The following DNAH7 variants were observed in gnomAD, a reference collection of about 807,000 sequenced individuals.
DNAH7 encodes the protein dynein axonemal heavy chain 7, also known as axonemal beta dynein heavy chain 7.
In DNAH7, 397 loss-of-function variants were observed where a neutral mutation model predicts 444.6. The ratio of observed to expected loss-of-function variants is 0.89; its 90% confidence interval spans 0.82 to 0.97. The LOEUF is 0.97. Among genes scored for constraint, DNAH7 ranks in the 50% least tolerant of loss-of-function variants. The pLI is 0.00. For synonymous variants in DNAH7, 1,636 were observed against 1,624.4 expected, an observed-to-expected ratio of 1.01 and a Z score of -0.17; for missense variants, 4,902 against 4,800.8, an observed-to-expected ratio of 1.02 and a Z score of -0.62.
At chr2:195,762,803 C>G (rs1375497290) in intron 61 of DNAH7, among the ~76,000 whole-genome samples, 3 of 152,170 alleles carry the variant, frequency 2.0e-5, no homozygotes, top group East Asian at 3.9e-4. Context: ...ACCCTACTTT[C>G]AGCATCAGAC....
intron 54 of DNAH7, among the ~76,000 whole-genome samples, chr2:195,802,959 GTCTT>G (rs749684245): frequency 7.9e-5 from 12 of 152,078 alleles, no homozygotes; most frequent in Admixed American, 2.6e-4. Context: ...TTCAGTATTC[GTCTT>G]TCTGTGTCTG....
chr2:196,027,023 A>C lies in DNAH7; in HGVS notation c.487-83T>G, dbSNP rs1695732489. On this transcript the variant is annotated intron_variant, in intron 6 of 64. Transcript: ENST00000312428. Reference sequence around the variant, plus strand: ...AAATAAAACTACCAAGCAAAATTCAAGTTTTAGGAGAACAAAGTATTTATA... The same window carrying C: ...AAATAAAACTACCAAGCAAAATTCACGTTTTAGGAGAACAAAGTATTTATA... The C allele has an allele frequency of 3.8e-6, 4 of 1,048,834 alleles. No individual in the cohort carries two copies. The African/African-American group carries it at 6.5e-5, about 17-fold the overall frequency. The allele number at this position is 1,048,834 out of a possible 1,614,324, so 65.0% of individuals were successfully genotyped here.
chr2:195,741,026 C>T (rs1692997779), intron 63 of DNAH7, 157 bp from the exon 64 acceptor site: 3 of 332,094 alleles, frequency 9.0e-6, no homozygotes, highest in Non-Finnish European at 1.7e-5. Context: ...AGTGTTTTAA[C>T]ATCCATATTT....
intron 3 of DNAH7, among the ~76,000 whole-genome samples, chr2:196,049,333 G>T (rs751942989): frequency 1.3e-5 from 2 of 152,060 alleles, no homozygotes; most frequent in Non-Finnish European, 2.9e-5. Context: ...TTTTCCACCC[G>T]CCCTTCCCAT....
At chr2:196,025,100 C>G (rs1468763828) in intron 7 of DNAH7, among the ~76,000 whole-genome samples, 1 of 152,110 alleles carries the variant, frequency 6.6e-6, no homozygotes, top group African/African-American at 2.4e-5. Context: ...AGGTTATATG[C>G]AAATACTATG....
intron 8 of DNAH7, among the ~76,000 whole-genome samples, chr2:196,021,543 G>A (rs1243849578): frequency 1.3e-5 from 2 of 152,140 alleles, no homozygotes; most frequent in Admixed American, 6.5e-5. Context: ...TATAGGGCCA[G>A]GCACAGAGGC....
intron 61 of DNAH7, among the ~76,000 whole-genome samples, chr2:195,770,992 G>A (rs1694809975): frequency 6.6e-6 from 1 of 151,258 alleles, no homozygotes; most frequent in South Asian, 2.1e-4. Flanking sequence ...CACCACACTT[G>A]GCCAGTTTAT....
chr2:195,807,087 C>A lies in DNAH7; in HGVS notation c.10084-255G>T, dbSNP rs182241692. ...AACACTAATAAACAGACAAAATGAT[C>A]CCTATTATGAAAAAAGTAAATGTGC... On this transcript the variant is annotated intron_variant, in intron 53 of 64. Transcript: ENST00000312428. Among the ~76,000 whole-genome samples, 381 of 152,048 alleles carry A rather than the reference C, an allele frequency of 2.5e-3. 2 individuals are homozygous for A. The highest frequency in any genetic ancestry group is 1.9e-3 in the Non-Finnish European group (128 of 67,990).
At chr2:196,005,548 G>A (rs758810302) in intron 10 of DNAH7, among the ~76,000 whole-genome samples, 23 of 151,778 alleles carry the variant, frequency 1.5e-4, no homozygotes, top group Non-Finnish European at 3.2e-4. Flanking sequence ...TAACATTACA[G>A]AAATACAAAG....
intron 10 of DNAH7, among the ~76,000 whole-genome samples, chr2:196,003,076 G>T (rs1382580469): frequency 1.5e-5 from 2 of 129,600 alleles, no homozygotes; most frequent in East Asian, 4.4e-4. Context: ...TGTCATAAAA[G>T]AAAAAAAAAT....
chr2:195,951,978 G>A (rs1690289988), intron 19 of DNAH7, among the ~76,000 whole-genome samples: 1 of 152,090 alleles, frequency 6.6e-6, no homozygotes, highest in Non-Finnish European at 1.5e-5. Context: ...TCATTATGAT[G>A]CTAGCTGGTT....
At position 195,875,810 on chromosome 2, in the gene DNAH7, G is replaced by C; in HGVS notation, c.6151C>G (p.Arg2051Gly). Residue 2051 changes from arginine (R) to glycine (G), a missense_variant, in exon 38 of 65, where the codon CGG becomes GGG. Transcript: ENST00000312428. ...VFVDDVNMPAREVYGAQPPIE... is the reference protein window; with the variant it reads ...VFVDDVNMPAGEVYGAQPPIE... The stretch of plus-strand genomic sequence containing the variant: ...GGAGGTTGAGCCCCATATACCTCCC[G>C]AGCAGGCATATTGACATCATCTACA... The C allele has an allele frequency of 1.9e-6, 3 of 1,610,612 alleles. No individual in the cohort carries two copies. The highest frequency in any genetic ancestry group is 1.1e-5 in the South Asian group (1 of 90,066).
chr2:195,766,495 A>G (rs1156914696), intron 61 of DNAH7, among the ~76,000 whole-genome samples: 1 of 151,984 alleles, frequency 6.6e-6, no homozygotes, highest in East Asian at 1.9e-4. Context: ...AAAACAATTG[A>G]ACTTGTGGAG....
At chr2:195,919,400 A>C (rs879709210) in intron 24 of DNAH7, among the ~76,000 whole-genome samples, 3 of 152,024 alleles carry the variant, frequency 2.0e-5, no homozygotes, top group Admixed American at 6.6e-5. Flanking sequence ...GCTGGAGTGC[A>C]GTGGCACAAT....
intron 35 of DNAH7, 86 bp from the exon 36 acceptor site, chr2:195,882,078 G>A (rs1277962927): frequency 9.0e-7 from 1 of 1,114,238 alleles, no homozygotes; most frequent in Non-Finnish European, 1.3e-6. Flanking sequence ...AAAAGACTAA[G>A]ACCAACAAAC....
rs1200521310 is a variant in DNAH7 at position 195,857,546 on chromosome 2, G to A, written c.8245C>T (p.Leu2749=). Residue 2749 remains leucine, a synonymous_variant, in exon 44 of 65, where the codon CTG becomes TTG. Coordinates refer to ENST00000312428, the MANE Select transcript of DNAH7 (RefSeq NM_018897.3). ...TTGTCATATTCATGAAGTGACTGCA[G>A]AAACCTCATGTCACCAAGAAGTCTC... ...AKRLLGDMRF[L]QSLHEYDKDN... 1.2e-6 allele frequency: 2 copies of A among 1,613,810 alleles called. No homozygotes were observed. The highest frequency in any genetic ancestry group is 2.7e-5 in the African/African-American group (2 of 74,880).
At chr2:195,933,551 A>G (rs1688842874) in intron 21 of DNAH7, among the ~76,000 whole-genome samples, 3 of 152,254 alleles carry the variant, frequency 2.0e-5, no homozygotes, top group Non-Finnish European at 4.4e-5. Flanking sequence ...CATATACACT[A>G]TGGAATACTA....
rs1559160374 is a variant in DNAH7, at chr2:195,864,818, C to G, written c.6837G>C (p.Glu2279Asp). ...MFCDFHDPKR[E>D]DTNYREIADV... Reference sequence around the variant, plus strand: ...CTGCGATTTCTCTGTAGTTGGTATCCTCCCTCTTGGGATCATGGAAATCAC... The same window carrying G: ...CTGCGATTTCTCTGTAGTTGGTATCGTCCCTCTTGGGATCATGGAAATCAC... The change falls in exon 41 of 65, where the codon GAG becomes GAC. Residue 2279 changes from glutamate (E) to aspartate (D), a missense_variant. Glu to Asp is a conservative substitution (Grantham distance 45). Transcript: ENST00000312428. 1.1e-5 allele frequency: 17 copies of G among 1,614,178 alleles called. No homozygotes were observed. Among genetic ancestry groups the G allele is most frequent in the Non-Finnish European group, 1.4e-5 (16 of 1,180,026 alleles).
chr2:196,022,821 TCACTTTGCCAAGA>T (rs1337937351), intron 8 of DNAH7, among the ~76,000 whole-genome samples: 1 of 152,212 alleles, frequency 6.6e-6, no homozygotes, highest in Non-Finnish European at 1.5e-5. Context: ...AGTTTTCAAT[TCACTTTGCCAAGA>T]TCCCTCAGAG....
Sources: allele counts gnomAD v4.1 joint callset (sites outside exome capture counted in the v4.1 genomes callset), GRCh38; gene constraint gnomAD v4.1.1; transcripts MANE v1.5; gene names NCBI Gene and HGNC (gene_info 2026-07-23, HGNC 2026-07-21).